The following PCDHGA12 variants were observed in gnomAD, a reference collection of about 807,000 sequenced individuals.
PCDHGA12 encodes the protein protocadherin gamma-A12.
A neutral mutation model predicts 61.1 loss-of-function variants in PCDHGA12; 43 were observed. The observed-to-expected ratio is 0.70, with a 90% CI of 0.55 to 0.91. The LOEUF is 0.91. PCDHGA12 is among the 40% of genes least tolerant of loss of function. The pLI, the probability that PCDHGA12 is intolerant of heterozygous loss-of-function variation, is 0.00. For missense variants in PCDHGA12, 1,236 were observed against 1,227.7 expected (o/e 1.01, Z -0.10); for synonymous variants, 520 against 542.9 (o/e 0.96, Z 0.59).
chr5:141,436,973 T>C (rs1209787552), intron 1 of PCDHGA12, among the ~76,000 whole-genome samples: 1 of 152,234 alleles, frequency 6.6e-6, no homozygotes, highest in Non-Finnish European at 1.5e-5. Context: ...TTGTGAAACT[T>C]ATTTTAAAGA....
At chr5:141,441,848 T>C (rs1034278597) in intron 1 of PCDHGA12, 2 of 356,906 alleles carry the variant, frequency 5.6e-6, no homozygotes, top group South Asian at 2.4e-5. Context: ...CTCTTGGATA[T>C]GGTGCTGCAC....
chr5:141,430,633 C>T lies in PCDHGA12; in HGVS notation c.-127C>T. 1.2e-6 allele frequency: 1 copy of T among 868,018 alleles called. No homozygotes were observed. The highest frequency in any genetic ancestry group is 1.7e-6 in the Non-Finnish European group (1 of 591,878). The allele number at this position is 868,018 out of a possible 1,614,324, so 53.8% of individuals were successfully genotyped here. On this transcript the variant is annotated 5_prime_UTR_variant, in exon 1 of 4. Coordinates refer to ENST00000252085, the MANE Select transcript of PCDHGA12 (RefSeq NM_003735.3). Reference sequence around the variant, plus strand: ...AGCAGATAGCTAGGAATGAACCATCCCTGGGAGTATGTGGAAACAACGGAG... The same window carrying T: ...AGCAGATAGCTAGGAATGAACCATCTCTGGGAGTATGTGGAAACAACGGAG...
At position 141,477,830 on chromosome 5, in the gene PCDHGA12, C is replaced by T; in HGVS notation, c.2425-16977C>T. ...TGCCCCCCAGGTCCTATATCCTCGG[C>T]CAGGTGGGAGCTCGGTGGAGATGCT... is the stretch of plus-strand genomic sequence containing the variant. On this transcript the variant is annotated intron_variant, in intron 1 of 3. Transcript: ENST00000252085. The surrounding 1 kb of genome is among the most constrained non-coding windows in gnomAD (Gnocchi z 4.9). 1 of 1,614,170 alleles carries T rather than the reference C, an allele frequency of 6.2e-7. No individual in the cohort carries two copies. Among genetic ancestry groups the T allele is most frequent in the Non-Finnish European group, 8.5e-7 (1 of 1,180,038 alleles).
intron 1 of PCDHGA12, among the ~76,000 whole-genome samples, chr5:141,436,150 T>A (rs1270913305): frequency 6.6e-6 from 1 of 152,182 alleles, no homozygotes; most frequent in African/African-American, 2.4e-5. Flanking sequence ...ACTACCAAAA[T>A]GTTTATCATA....
At chr5:141,494,188 T>C (rs2099752632) in intron 1 of PCDHGA12, among the ~76,000 whole-genome samples, 1 of 152,186 alleles carries the variant, frequency 6.6e-6, no homozygotes, top group South Asian at 2.1e-4. Flanking sequence ...GTCCCGGGAC[T>C]TGGATGCCCC....
chr5:141,467,129 T>G (rs2099137740), intron 1 of PCDHGA12, among the ~76,000 whole-genome samples: 1 of 151,826 alleles, frequency 6.6e-6, no homozygotes, highest in Non-Finnish European at 1.5e-5. Context: ...CTCAGCTCAC[T>G]GCAACCTCTG....
At chr5:141,437,561 C>G (rs1228292384) in intron 1 of PCDHGA12, among the ~76,000 whole-genome samples, 1 of 152,110 alleles carries the variant, frequency 6.6e-6, no homozygotes, top group Non-Finnish European at 1.5e-5. Context: ...TGACATGTAA[C>G]AGAGTATAGC....
chr5:141,465,759 A>G (rs2099108647), intron 1 of PCDHGA12, among the ~76,000 whole-genome samples: 2 of 151,280 alleles, frequency 1.3e-5, no homozygotes, highest in South Asian at 4.2e-4. Context: ...TGGTAAAGTC[A>G]TGTTTCATCT....
chr5:141,486,019 T>C lies in PCDHGA12; in HGVS notation c.2425-8788T>C, dbSNP rs2078071. 3.2e-3 allele frequency: 5,143 copies of C among 1,613,986 alleles called. 141 individuals carry two copies. In the South Asian group the frequency reaches 0.046, roughly 14 times the overall value. ...GTGGTAACGTCACCTTTTATTTCAG[T>C]GGTCATACCCCTGATCGTGTAAGAA... On this transcript the variant is annotated intron_variant, in intron 1 of 3. Transcript: ENST00000252085. The surrounding 1 kb of genome is among the most constrained non-coding windows in gnomAD (Gnocchi z 5.0).
chr5:141,440,693 C>T (rs2098194597), intron 1 of PCDHGA12: 1 of 152,136 alleles, frequency 6.6e-6, no homozygotes, highest in Non-Finnish European at 1.5e-5. Context: ...GTAAAAGTGA[C>T]CAACAGTGGA....
In PCDHGA12 at chr5:141,474,831, G is replaced by A. The variant is rs188288898; in HGVS notation, c.2425-19976G>A. On this transcript the variant is annotated intron_variant, in intron 1 of 3. Coordinates refer to ENST00000252085, the MANE Select transcript of PCDHGA12 (RefSeq NM_003735.3). ...CATCATTAATTGAGGCTTACTCTGTGCCAGGCACTTTACCTGCCTTCTTCA... is the reference window on the plus strand; with the variant it reads ...CATCATTAATTGAGGCTTACTCTGTACCAGGCACTTTACCTGCCTTCTTCA... 5.3e-5 allele frequency among the ~76,000 whole-genome samples: 8 copies of A among 152,350 alleles called. No individual in the cohort carries two copies. The East Asian group carries it at 1.5e-3, about 29-fold the overall frequency.
intron 3 of PCDHGA12, 57 bp from the exon 4 acceptor site, chr5:141,510,890 A>G (rs1434557860): frequency 1.2e-5 from 20 of 1,612,748 alleles, no homozygotes; most frequent in South Asian, 3.3e-5. Context: ...GATATAAGAC[A>G]GTGACTGTTG....
At chr5:141,504,269 A>T (rs7715517) in intron 2 of PCDHGA12, among the ~76,000 whole-genome samples, 3,100 of 152,246 alleles carry the variant, frequency 0.02, 113 homozygotes, top group African/African-American at 0.07. Context: ...GTATTTTTTT[A>T]AATTATGAAT....
rs141556649 is a variant in PCDHGA12 at position 141,492,225 on chromosome 5, C to T, written c.2425-2582C>T. ...GTGTGCGCGCGGGGCTCATGCGTGT[C>T]CTCCCTGCTGGCCACCCCCACGGCC... On this transcript the variant is annotated intron_variant, in intron 1 of 3. Transcript: ENST00000252085. Among the ~76,000 whole-genome samples the T allele has an allele frequency of 2.4e-3, 361 of 152,274 alleles. No individual in the cohort carries two copies. In the Middle Eastern group the frequency reaches 0.024, roughly 10 times the overall value.
chr5:141,449,498 A>G (rs1190732747), intron 1 of PCDHGA12, among the ~76,000 whole-genome samples: 7 of 150,506 alleles, frequency 4.7e-5, no homozygotes, highest in Non-Finnish European at 8.9e-5. Flanking sequence ...GTGAGGCATG[A>G]GAAATGCTTG....
chr5:141,456,800 TA>T (rs1038857337), intron 1 of PCDHGA12, among the ~76,000 whole-genome samples: 2 of 151,846 alleles, frequency 1.3e-5, no homozygotes, highest in African/African-American at 4.8e-5. Flanking sequence ...CCATCTCTAC[TA>T]AAAATACAAA....
Position 141,476,854 on chromosome 5 carries a change from G to A in PCDHGA12, c.2425-17953G>A. The A allele has an allele frequency of 6.2e-7, 1 of 1,613,860 alleles. No individual in the cohort carries two copies. The highest frequency in any genetic ancestry group is 1.1e-5 in the South Asian group (1 of 91,088). ...ATGACAATGCGCCTGTCTTCAACCA[G>A]TCCTTGTACCGGGCGCGCGTCCTGG... On this transcript the variant is annotated intron_variant, in intron 1 of 3. Transcript: ENST00000252085. This position sits in a 1 kb window ranked among gnomAD's most constrained non-coding sequence, Gnocchi z 7.6.
chr5:141,478,553 T>C, intron 1 of PCDHGA12: 1 of 1,602,704 alleles, frequency 6.2e-7, no homozygotes. Context: ...ACAGGTAAGG[T>C]TTAGCAAGTC....
chr5:141,447,235 G>T (rs1458489257), intron 1 of PCDHGA12, among the ~76,000 whole-genome samples: 1 of 152,084 alleles, frequency 6.6e-6, no homozygotes, highest in Non-Finnish European at 1.5e-5. Flanking sequence ...CGCCTCCCGG[G>T]TTCAAGTGAT....
Sources: gnomAD v4.1 joint callset for allele counts (sites outside exome capture counted in the v4.1 genomes callset) on GRCh38, gnomAD v4.1.1 for gene constraint, Gnocchi (gnomAD v3.1) non-coding constraint, MANE v1.5 for transcripts, NCBI Gene and HGNC (gene_info 2026-07-23, HGNC 2026-07-21) for gene names.